The following DPEP2 variants were observed in gnomAD, a reference collection of about 807,000 sequenced individuals.
DPEP2 encodes dipeptidase 2.
DPEP2 carries 45 observed loss-of-function variants against 51.8 expected under a neutral mutation model. That is an observed-to-expected ratio of 0.87 (90% confidence interval 0.68 to 1.11). The LOEUF (loss-of-function observed/expected upper bound fraction) is 1.11, where lower values mean the gene tolerates loss of function less well. Among genes scored for constraint, DPEP2 ranks in the 50% most tolerant of loss-of-function variants. The pLI, the probability that DPEP2 is intolerant of heterozygous loss-of-function variation, is 0.00. For synonymous variants in DPEP2, 255 were observed against 262.7 expected, an observed-to-expected ratio of 0.97 and a Z score of 0.28; for missense variants, 604 against 631.9, an observed-to-expected ratio of 0.96 and a Z score of 0.47.
rs566224645 is a variant in DPEP2, at chr16:67,987,628, C to G, written c.1339G>C (p.Glu447Gln). The G allele has an allele frequency of 2.8e-5, 45 of 1,614,206 alleles. No individual in the cohort carries two copies. In the South Asian group the frequency reaches 4.9e-4, roughly 18 times the overall value. Reference sequence around the variant, plus strand: ...TTGGCTGTCCAGTGTATGGGAATCTCAGTGAGTTCCTGGCCTGAAGTCAGA... The same window carrying G: ...TTGGCTGTCCAGTGTATGGGAATCTGAGTGAGTTCCTGGCCTGAAGTCAGA... ...QSLTSGQELTEIPIHWTAKLP... is the reference protein window; with the variant it reads ...QSLTSGQELTQIPIHWTAKLP... The change falls in exon 11 of 11, where the codon GAG (glutamate) becomes CAG (glutamine). Residue 447 changes from glutamate (E) to glutamine (Q), a missense_variant. Coordinates refer to ENST00000393847, the MANE Select transcript of DPEP2 (RefSeq NM_022355.4).
At position 67,992,985 on chromosome 16, in the gene DPEP2, T is replaced by C; in HGVS notation, c.228A>G (p.Ala76=). 1 of 1,610,630 alleles carries C rather than the reference T, an allele frequency of 6.2e-7. No homozygotes were observed. The highest frequency in any genetic ancestry group is 8.5e-7 in the Non-Finnish European group (1 of 1,178,550). Residue 76 remains alanine, a synonymous_variant, in exon 2 of 11, where the codon GCA becomes GCG. Transcript: ENST00000393847. Reference sequence around the variant, plus strand: ...GCGGGAAGTCCCGCATCAGGGCCCGTGCCTGCTCTTGCAGGCCCTGGGTGC... The same window carrying C: ...GCGGGAAGTCCCGCATCAGGGCCCGCGCCTGCTCTTGCAGGCCCTGGGTGC... ...SPSTQGLQEQ[A]RALMRDFPLV... is the part of the protein sequence containing the mutation.
chr16:67,990,056 TG>T lies in DPEP2; in HGVS notation c.984del (p.Thr329LeufsTer43). ...VIQCNPSANV[S>X]TVADHFDHIK... ...CGGGAGAGGGAGTTACCTGCCACAG[TG>T]GACACATTGGCTGATGGGTTGCACT... On this transcript the variant is annotated frameshift_variant, in exon 8 of 11. Transcript: ENST00000393847. LOFTEE classifies it high-confidence loss of function. The T allele has an allele frequency of 1.9e-6, 3 of 1,614,152 alleles. No individual in the cohort carries two copies. The highest frequency in any genetic ancestry group is 2.5e-6 in the Non-Finnish European group (3 of 1,179,998).
Position 67,987,483 on chromosome 16 carries a change from A to T in DPEP2, c.*23T>A, listed in dbSNP as rs898866842. ...GGTGTCTGTGGCTTGCTACAGTGACATCTGGCAGGACTAACTGGGTCATCA... is the reference window on the plus strand; with the variant it reads ...GGTGTCTGTGGCTTGCTACAGTGACTTCTGGCAGGACTAACTGGGTCATCA... On this transcript the variant is annotated 3_prime_UTR_variant, in exon 11 of 11. Coordinates refer to ENST00000393847, the MANE Select transcript of DPEP2 (RefSeq NM_022355.4). The T allele has an allele frequency of 3.1e-6, 5 of 1,596,486 alleles. No homozygotes were observed. In the African/African-American group the frequency reaches 6.7e-5, roughly 21 times the overall value.
intron 1 of DPEP2, among the ~76,000 whole-genome samples, chr16:67,998,230 G>A (rs1410265423): frequency 6.6e-6 from 1 of 152,162 alleles, no homozygotes; most frequent in Admixed American, 6.5e-5. Flanking sequence ...GGCGCGAGTG[G>A]GAACCGGGGC....
Position 67,992,116 on chromosome 16 carries a change from T to A in DPEP2, c.468A>T (p.Ile156=). 6.2e-7 allele frequency: 1 copy of A among 1,614,064 alleles called. No homozygotes were observed. Among genetic ancestry groups the A allele is most frequent in the Non-Finnish European group, 8.5e-7 (1 of 1,180,016 alleles). Reference sequence around the variant, plus strand: ...CAGAATAGGAGGCACACATGCGGCGTATGAGGTCAATCTGCTCCAGGGTGA... The same window carrying A: ...CAGAATAGGAGGCACACATGCGGCGAATGAGGTCAATCTGCTCCAGGGTGA... ...LRLTLEQIDL[I]RRMCASYSEL... Residue 156 remains isoleucine (I), a synonymous_variant, in exon 4 of 11, where the codon ATA becomes ATT. Transcript: ENST00000393847.
Position 67,991,676 on chromosome 16 carries a change from C to G in DPEP2, c.662+162G>C. 8.9e-7 allele frequency: 1 copy of G among 1,127,070 alleles called. No homozygotes were observed. The allele number at this position is 1,127,070 out of a possible 1,614,324, so 69.8% of individuals were successfully genotyped here. A position where few individuals can be genotyped will look rare whatever the true frequency, so the allele number is the denominator to read the frequency against. On this transcript the variant is annotated intron_variant, in intron 5 of 10. Coordinates refer to ENST00000393847, the MANE Select transcript of DPEP2 (RefSeq NM_022355.4). This position sits in a 1 kb window ranked among gnomAD's most constrained non-coding sequence, Gnocchi z 5.1. ...TACAGGCATGAGCCACCGCGTCTGG[C>G]CAGGGGTCAAGTCGTATTCTGAAAA...
intron 1 of DPEP2, among the ~76,000 whole-genome samples, chr16:67,996,333 A>G (rs2032694538): frequency 6.6e-6 from 1 of 151,870 alleles, no homozygotes. Flanking sequence ...CTGACAGAGT[A>G]GGTGAGGAGA....
chr16:67,998,664 A>G (rs1168407036), intron 1 of DPEP2, among the ~76,000 whole-genome samples: 2 of 152,260 alleles, frequency 1.3e-5, no homozygotes, highest in Non-Finnish European at 2.9e-5. Context: ...CACTGGGTGA[A>G]GCCAGTTGTG....
Position 67,987,484 on chromosome 16 carries a change from T to G in DPEP2, c.*22A>C. On this transcript the variant is annotated 3_prime_UTR_variant, in exon 11 of 11. Transcript: ENST00000393847. ...GTGTCTGTGGCTTGCTACAGTGACA[T>G]CTGGCAGGACTAACTGGGTCATCAG... The G allele has an allele frequency of 2.5e-6, 4 of 1,596,484 alleles. No homozygotes were observed. Among genetic ancestry groups the G allele is most frequent in the Non-Finnish European group, 3.4e-6 (4 of 1,166,166 alleles).
At chr16:67,997,084 G>A (rs1304187054) in intron 1 of DPEP2, among the ~76,000 whole-genome samples, 1 of 150,274 alleles carries the variant, frequency 6.7e-6, no homozygotes, top group Non-Finnish European at 1.5e-5. Flanking sequence ...CCAGGCTGGA[G>A]TGCAATGGTG....
Position 67,991,154 on chromosome 16 carries a change from G to A in DPEP2, c.693C>T (p.Ser231=). The A allele has an allele frequency of 6.2e-7, 1 of 1,613,848 alleles. No homozygotes were observed. The highest frequency in any genetic ancestry group is 1.1e-5 in the South Asian group (1 of 91,066). ...WAESSAKGVH[S]FYNNISGLTD... ...TCAGCCCGCTGATGTTGTTGTAGAA[G>A]GAGTGGACGCCCTTAGCGGAGCTCT... The change falls in exon 6 of 11, where the codon TCC becomes TCT. Residue 231 remains serine, a synonymous_variant. Transcript: ENST00000393847. The surrounding 1 kb of genome is among the most constrained non-coding windows in gnomAD (Gnocchi z 5.1).
Position 67,993,141 on chromosome 16 carries a change from C to T in DPEP2, c.72G>A (p.Leu24=). 6.5e-7 allele frequency: 1 copy of T among 1,533,118 alleles called. No individual in the cohort carries two copies. Among genetic ancestry groups the T allele is most frequent in the Non-Finnish European group, 8.8e-7 (1 of 1,137,252 alleles). The allele number at this position is 1,533,118 out of a possible 1,614,324, so 95.0% of individuals were successfully genotyped here. A position where few individuals can be genotyped will look rare whatever the true frequency, so the allele number is the denominator to read the frequency against. ...RWPLLSLLLL[L]LLLQPVTCAY... is the part of the protein sequence containing the mutation. ...CACAGGTTACAGGCTGGAGCAGCAG[C>T]AGCAGGAGCAGCAGACTCAGCAGAG... The change falls in exon 2 of 11, where the codon CTG becomes CTA. Residue 24 remains leucine, a synonymous_variant. Transcript: ENST00000393847.
chr16:67,992,292 G>A, intron 3 of DPEP2, 99 bp from the exon 4 acceptor site: 1 of 1,506,852 alleles, frequency 6.6e-7, no homozygotes, highest in East Asian at 2.3e-5. Flanking sequence ...AGTGGGCCAG[G>A]AGGCCACATG....
intron 2 of DPEP2, 124 bp from the exon 3 acceptor site, chr16:67,992,760 C>T (rs2151380930): frequency 2.0e-6 from 3 of 1,514,286 alleles, no homozygotes; most frequent in Non-Finnish European, 2.7e-6. Context: ...ACTGAGATCC[C>T]CTGAGGCCCG....
At chr16:67,988,273 G>A (rs2031662159) in intron 9 of DPEP2, among the ~76,000 whole-genome samples, 1 of 152,142 alleles carries the variant, frequency 6.6e-6, no homozygotes, top group African/African-American at 2.4e-5. Context: ...GGCCAGGTAT[G>A]GTGGCTCACA....
intron 1 of DPEP2, 74 bp from the exon 2 acceptor site, chr16:67,993,331 G>C (rs988978368): frequency 2.3e-6 from 3 of 1,325,084 alleles, no homozygotes; most frequent in African/African-American, 1.5e-5. Flanking sequence ...TGGCGGCGTG[G>C]CCTCAAGAGG....
At chr16:67,988,709 A>G (rs1237884843) in intron 9 of DPEP2, among the ~76,000 whole-genome samples, 3 of 152,138 alleles carry the variant, frequency 2.0e-5, no homozygotes, top group Non-Finnish European at 4.4e-5. Flanking sequence ...ACTTGAGTCC[A>G]GGAGTTCAAG....
At chr16:67,992,297 C>T (rs1338689230) in intron 3 of DPEP2, 104 bp from the exon 4 acceptor site, 6 of 1,496,240 alleles carry the variant, frequency 4.0e-6, no homozygotes, top group Non-Finnish European at 4.5e-6. Context: ...GCCAGGAGGC[C>T]ACATGTAATG....
In DPEP2 at chr16:67,990,042, G is replaced by A. The variant is rs773317563; in HGVS notation, c.994+5C>T. On this transcript the variant is annotated splice_donor_5th_base_variant and intron_variant, in intron 8 of 10. Transcript: ENST00000393847. Reference sequence around the variant, plus strand: ...CTGTTCAGAGAGCCCGGGAGAGGGAGTTACCTGCCACAGTGGACACATTGG... The same window carrying A: ...CTGTTCAGAGAGCCCGGGAGAGGGAATTACCTGCCACAGTGGACACATTGG... 4 of 1,614,094 alleles carry A rather than the reference G, an allele frequency of 2.5e-6. No individual in the cohort carries two copies. The highest frequency in any genetic ancestry group is 3.4e-6 in the Non-Finnish European group (4 of 1,179,956).
Sources: gnomAD v4.1 joint callset for allele counts (sites outside exome capture counted in the v4.1 genomes callset) on GRCh38, gnomAD v4.1.1 for gene constraint, Gnocchi (gnomAD v3.1) non-coding constraint, MANE v1.5 for transcripts, NCBI Gene and HGNC (gene_info 2026-07-23, HGNC 2026-07-21) for gene names.